SSBP2: variants seen among roughly 807,000 people sequenced by gnomAD.
SSBP2 encodes single-stranded DNA-binding protein 2.
In SSBP2, 17 loss-of-function variants were observed where a neutral mutation model predicts 61.8. The ratio of observed to expected loss-of-function variants is 0.28; its 90% confidence interval spans 0.19 to 0.41. The LOEUF is 0.41. Among genes scored for constraint, SSBP2 ranks in the 10% least tolerant of loss-of-function variants. The pLI, the probability that SSBP2 is intolerant of heterozygous loss-of-function variation, is 1.00. For missense variants in SSBP2, 310 were observed against 458.7 expected, an observed-to-expected ratio of 0.68 and a Z score of 2.96; for synonymous variants, 139 against 141.3, an observed-to-expected ratio of 0.98 and a Z score of 0.12.
chr5:81,454,323 C>T (rs1405094237), intron 10 of SSBP2, among the ~76,000 whole-genome samples: 1 of 152,092 alleles, frequency 6.6e-6, no homozygotes, highest in Non-Finnish European at 1.5e-5. Context: ...GGGACATAGA[C>T]TAAAGACTCA....
At chr5:81,547,282 C>T (rs1402504431) in intron 4 of SSBP2, among the ~76,000 whole-genome samples, 3 of 152,112 alleles carry the variant, frequency 2.0e-5, no homozygotes, top group Non-Finnish European at 4.4e-5. Flanking sequence ...GAGTTGAAAA[C>T]CTATCCCCAA....
At chr5:81,601,528 C>T (rs1744357097) in intron 4 of SSBP2, among the ~76,000 whole-genome samples, 1 of 152,098 alleles carries the variant, frequency 6.6e-6, no homozygotes, top group Non-Finnish European at 1.5e-5. Flanking sequence ...TGGAGTTTTG[C>T]AATATTTTAC....
intron 1 of SSBP2, among the ~76,000 whole-genome samples, chr5:81,702,281 G>A (rs1367018375): frequency 6.6e-6 from 1 of 152,182 alleles, no homozygotes; most frequent in African/African-American, 2.4e-5. Flanking sequence ...TGAGGCAGGG[G>A]AATCGCTTGA....
chr5:81,543,981 C>T (rs1331174434), intron 4 of SSBP2, among the ~76,000 whole-genome samples: 2 of 152,152 alleles, frequency 1.3e-5, no homozygotes, highest in African/African-American at 2.4e-5. Context: ...TATGCTCAAA[C>T]ACTGACACTA....
At chr5:81,578,585 G>A (rs1428909136) in intron 4 of SSBP2, among the ~76,000 whole-genome samples, 1 of 151,480 alleles carries the variant, frequency 6.6e-6, no homozygotes, top group East Asian at 1.9e-4. Flanking sequence ...GAGTAAGAGG[G>A]AATGCAGAAA....
At chr5:81,612,503 A>G (rs1213799996) in intron 4 of SSBP2, among the ~76,000 whole-genome samples, 1 of 152,124 alleles carries the variant, frequency 6.6e-6, no homozygotes, top group Non-Finnish European at 1.5e-5. Flanking sequence ...CCAATATCAA[A>G]AGATAGTCAT....
At chr5:81,593,467 T>C (rs183152997) in intron 4 of SSBP2, among the ~76,000 whole-genome samples, 4 of 152,200 alleles carry the variant, frequency 2.6e-5, no homozygotes, top group Admixed American at 2.6e-4. Flanking sequence ...CAGGCCAACA[T>C]TCAAATTCAG....
chr5:81,677,854 T>C (rs567117504), intron 1 of SSBP2, among the ~76,000 whole-genome samples: 1 of 146,398 alleles, frequency 6.8e-6, no homozygotes, highest in African/African-American at 2.5e-5. Context: ...AAAGCACTGA[T>C]GAAGCTCAGT....
intron 1 of SSBP2, among the ~76,000 whole-genome samples, chr5:81,748,837 A>C (rs2154031144): frequency 6.6e-6 from 1 of 152,300 alleles, no homozygotes; most frequent in South Asian, 2.1e-4. Flanking sequence ...AAATCACAGA[A>C]TTAGAGCTAG....
intron 4 of SSBP2, among the ~76,000 whole-genome samples, chr5:81,586,108 G>A (rs1388634354): frequency 6.6e-6 from 1 of 152,176 alleles, no homozygotes; most frequent in African/African-American, 2.4e-5. Flanking sequence ...ATGAACATGG[G>A]AATGCAAATA....
chr5:81,599,933 T>C (rs1345682529), intron 4 of SSBP2, among the ~76,000 whole-genome samples: 1 of 152,186 alleles, frequency 6.6e-6, no homozygotes, highest in African/African-American at 2.4e-5. Context: ...TGTTTTTATG[T>C]TAGGGCACAT....
chr5:81,590,834 G>A lies in SSBP2; in HGVS notation c.282+24639C>T, dbSNP rs548551154. 2.6e-5 allele frequency among the ~76,000 whole-genome samples: 4 copies of A among 152,250 alleles called. No individual in the cohort carries two copies. The East Asian group carries it at 7.7e-4, about 29-fold the overall frequency. ...TAGGTTAAGATCCATTACAGCTGTG[G>A]GAAAACAGTAGAATAACCTCCAGCC... On this transcript the variant is annotated intron_variant, in intron 4 of 16. Transcript: ENST00000320672.
chr5:81,550,906 G>A (rs1772127493), intron 4 of SSBP2, among the ~76,000 whole-genome samples: 1 of 151,912 alleles, frequency 6.6e-6, no homozygotes, highest in African/African-American at 2.4e-5. Flanking sequence ...ACCATCCTGG[G>A]TAACACGATG....
At chr5:81,702,924 C>A (rs978983156) in intron 1 of SSBP2, among the ~76,000 whole-genome samples, 1 of 152,182 alleles carries the variant, frequency 6.6e-6, no homozygotes, top group Non-Finnish European at 1.5e-5. Flanking sequence ...GTGGCTCAAT[C>A]TTAATGTACT....
intron 10 of SSBP2, among the ~76,000 whole-genome samples, chr5:81,452,886 A>C (rs1465920358): frequency 1.3e-5 from 2 of 152,152 alleles, no homozygotes; most frequent in Non-Finnish European, 2.9e-5. Flanking sequence ...TGTGCTGGAC[A>C]AGATACTTGA....
chr5:81,536,474 C>T (rs1300694357), intron 4 of SSBP2, among the ~76,000 whole-genome samples: 2 of 152,076 alleles, frequency 1.3e-5, no homozygotes, highest in Non-Finnish European at 2.9e-5. Context: ...TCCTCCCAAC[C>T]TCCACCCACC....
chr5:81,645,388 T>G (rs1296476027), intron 2 of SSBP2, among the ~76,000 whole-genome samples: 1 of 152,224 alleles, frequency 6.6e-6, no homozygotes, highest in East Asian at 1.9e-4. Flanking sequence ...AGGAATCCCT[T>G]AGATGTTTTT....
At chr5:81,657,510 A>C (rs1750329420) in intron 1 of SSBP2, among the ~76,000 whole-genome samples, 1 of 152,238 alleles carries the variant, frequency 6.6e-6, no homozygotes, top group South Asian at 2.1e-4. Flanking sequence ...TAGAAACATT[A>C]ACAAAAATAA....
At chr5:81,696,633 C>G (rs919818593) in intron 1 of SSBP2, among the ~76,000 whole-genome samples, 2 of 152,220 alleles carry the variant, frequency 1.3e-5, no homozygotes, top group African/African-American at 2.4e-5. Flanking sequence ...CTATAACCAT[C>G]TGGCAATGTA....
Sources: gnomAD v4.1 joint callset for allele counts (sites outside exome capture counted in the v4.1 genomes callset) on GRCh38, gnomAD v4.1.1 for gene constraint, MANE v1.5 for transcripts, NCBI Gene and HGNC (gene_info 2026-07-23, HGNC 2026-07-21) for gene names.